The following ADAM12 variants were observed in gnomAD, a reference collection of about 807,000 sequenced individuals.
ADAM12 encodes the protein ADAM metallopeptidase domain 12, also known as disintegrin and metalloproteinase domain-containing protein 12.
In ADAM12, 70 loss-of-function variants were observed where a neutral mutation model predicts 106.4. The observed-to-expected ratio is 0.66, with a 90% CI of 0.54 to 0.80. ADAM12 has a LOEUF of 0.80. Ranked by LOEUF, ADAM12 falls within the 30% of genes least tolerant of loss-of-function variation. ADAM12 has a pLI of 0.00. For missense variants in ADAM12, 1,010 were observed against 1,171.9 expected (o/e 0.86, Z 2.02); for synonymous variants, 420 against 433.5 (o/e 0.97, Z 0.39).
At chr10:126,297,104 A>G (rs1183086441) in intron 2 of ADAM12, among the ~76,000 whole-genome samples, 3 of 152,234 alleles carry the variant, frequency 2.0e-5, no homozygotes, top group African/African-American at 7.2e-5. Flanking sequence ...TACTCCTTAA[A>G]AATGTGCATA....
At chr10:126,386,245 G>C (rs1342896605) in intron 1 of ADAM12, among the ~76,000 whole-genome samples, 2 of 152,168 alleles carry the variant, frequency 1.3e-5, no homozygotes, top group African/African-American at 4.8e-5. Context: ...AGGCCGAGTT[G>C]CCCCAGAAAG....
In ADAM12 at chr10:126,155,262, CT is replaced by C; in HGVS notation, c.303del (p.Asp102ThrfsTer50). 6.2e-7 allele frequency: 1 copy of C among 1,614,176 alleles called. No individual in the cohort carries two copies. ...ASSFTETHYL[Q>X]DGTDVSLARN... The stretch of plus-strand genomic sequence containing the variant: ...CGAGCGAGGGAGACATCAGTACCGT[CT>C]TGCAGATAGTGGGTTTCCGTGAAAC... On this transcript the variant is annotated frameshift_variant, in exon 4 of 23. Transcript: ENST00000448723. LOFTEE classifies it high-confidence loss of function.
intron 3 of ADAM12, among the ~76,000 whole-genome samples, chr10:126,270,160 A>G (rs1189628921): frequency 6.6e-6 from 1 of 152,200 alleles, no homozygotes; most frequent in Non-Finnish European, 1.5e-5. Context: ...CTGAGTCTAT[A>G]GTCATGCTTA....
chr10:126,145,068 C>A (rs536161370), intron 4 of ADAM12, among the ~76,000 whole-genome samples: 1 of 152,302 alleles, frequency 6.6e-6, no homozygotes, highest in Non-Finnish European at 1.5e-5. Flanking sequence ...CGTGGGTTTG[C>A]CCCTTGCATT....
At chr10:126,338,869 T>C (rs1854815115) in intron 1 of ADAM12, among the ~76,000 whole-genome samples, 1 of 152,210 alleles carries the variant, frequency 6.6e-6, no homozygotes, top group African/African-American at 2.4e-5. Flanking sequence ...AATGGAACCT[T>C]GTATATGTCA....
At chr10:126,364,869 C>T (rs1327663718) in intron 1 of ADAM12, among the ~76,000 whole-genome samples, 1 of 152,140 alleles carries the variant, frequency 6.6e-6, no homozygotes, top group East Asian at 1.9e-4. Flanking sequence ...TTTTAGTGTA[C>T]ATGAATTTCC....
intron 3 of ADAM12, among the ~76,000 whole-genome samples, chr10:126,277,055 T>C (rs897976630): frequency 1.8e-4 from 28 of 152,150 alleles, no homozygotes; most frequent in African/African-American, 5.8e-4. Context: ...GGGTATAAAA[T>C]TGCATACAGA....
rs368040079 is a variant in ADAM12 at position 126,049,344 on chromosome 10, C to A, written c.1826G>T (p.Arg609Leu). Reference sequence around the variant, plus strand: ...CACGTGGGTCCCCCGGCACAGAATCCGGCCTCCTTGCTGCAGGGGGATGTT... The same window carrying A: ...CACGTGGGTCCCCCGGCACAGAATCAGGCCTCCTTGCTGCAGGGGGATGTT... ...ETNIPLQQGGRILCRGTHVYL... is the reference protein window; with the variant it reads ...ETNIPLQQGGLILCRGTHVYL... Residue 609 changes from arginine to leucine, a missense_variant, in exon 16 of 23, where the codon CGG becomes CTG. This residue lies in a region of ADAM12 where 615 missense variants were observed against 708.5 expected (regional missense o/e 0.87). Coordinates refer to ENST00000448723, the MANE Select transcript of ADAM12 (RefSeq NM_001288973.2). The surrounding 1 kb of genome is among the most constrained non-coding windows in gnomAD (Gnocchi z 4.4). 3 of 1,614,228 alleles carry A rather than the reference C, an allele frequency of 1.9e-6. No homozygotes were observed. The highest frequency in any genetic ancestry group is 2.5e-6 in the Non-Finnish European group (3 of 1,180,042).
intron 18 of ADAM12, among the ~76,000 whole-genome samples, chr10:126,040,044 G>T (rs1954132621): frequency 6.6e-6 from 1 of 152,182 alleles, no homozygotes; most frequent in Non-Finnish European, 1.5e-5. Flanking sequence ...CCCTTTTCCT[G>T]GGAGGAAGCT....
chr10:126,362,000 G>A (rs562859479), intron 1 of ADAM12, among the ~76,000 whole-genome samples: 110 of 152,216 alleles, frequency 7.2e-4, no homozygotes, highest in African/African-American at 2.5e-3. Context: ...AAGAGACAAT[G>A]TAAGCATTGG....
intron 21 of ADAM12, among the ~76,000 whole-genome samples, chr10:126,024,746 AAAAT>A (rs1953836201): frequency 6.6e-6 from 1 of 152,170 alleles, no homozygotes; most frequent in Non-Finnish European, 1.5e-5. Context: ...AAGGACAAAT[AAAAT>A]AAATGGTATT....
At chr10:126,236,653 T>C (rs1210781112) in intron 3 of ADAM12, among the ~76,000 whole-genome samples, 1 of 145,460 alleles carries the variant, frequency 6.9e-6, no homozygotes, top group Non-Finnish European at 1.5e-5. Context: ...GGAACACCCA[T>C]AGGAAGGAGC....
intron 14 of ADAM12, among the ~76,000 whole-genome samples, chr10:126,059,660 G>GACCA (rs1224109055): frequency 6.6e-6 from 1 of 152,182 alleles, no homozygotes; most frequent in Non-Finnish European, 1.5e-5. Context: ...CCATAAAAAT[G>GACCA]GTCTGGTCAG....
chr10:126,170,308 C>T (rs553481694), intron 3 of ADAM12, among the ~76,000 whole-genome samples: 1 of 151,996 alleles, frequency 6.6e-6, no homozygotes, highest in South Asian at 2.1e-4. Flanking sequence ...GGATCCGGGG[C>T]GGCGAAGAGG....
intron 1 of ADAM12, among the ~76,000 whole-genome samples, chr10:126,352,798 G>T (rs1855408043): frequency 6.6e-6 from 1 of 152,170 alleles, no homozygotes; most frequent in African/African-American, 2.4e-5. Context: ...TAAACAACAG[G>T]AATAAACAAT....
intron 2 of ADAM12, among the ~76,000 whole-genome samples, chr10:126,327,447 G>C (rs1323582513): frequency 6.6e-6 from 1 of 152,044 alleles, no homozygotes. Context: ...ATGGCCATCA[G>C]ATAAAATGTT....
intron 4 of ADAM12, among the ~76,000 whole-genome samples, chr10:126,138,906 A>G (rs1319117978): frequency 2.6e-5 from 4 of 152,140 alleles, no homozygotes; most frequent in Non-Finnish European, 5.9e-5. Flanking sequence ...CTTGAAGTAC[A>G]AGTCCAACTT....
At chr10:126,351,849 C>G (rs1214908239) in intron 1 of ADAM12, among the ~76,000 whole-genome samples, 1 of 152,148 alleles carries the variant, frequency 6.6e-6, no homozygotes, top group African/African-American at 2.4e-5. Context: ...TATAATCCCC[C>G]CACTCCAGCA....
chr10:126,334,025 T>C (rs1041590710), intron 1 of ADAM12, among the ~76,000 whole-genome samples: 4 of 152,188 alleles, frequency 2.6e-5, no homozygotes, highest in Non-Finnish European at 5.9e-5. Flanking sequence ...GCAATATCTG[T>C]AGTCAGAAGA....
Sources: gnomAD v4.1 joint callset for allele counts (sites outside exome capture counted in the v4.1 genomes callset) on GRCh38, gnomAD v4.1.1 for gene constraint, gnomAD v4.1.1 regional missense constraint, Gnocchi (gnomAD v3.1) non-coding constraint, MANE v1.5 for transcripts, NCBI Gene and HGNC (gene_info 2026-07-23, HGNC 2026-07-21) for gene names.